Variants in CLSTN2 observed in about 807,000 individuals in gnomAD.
CLSTN2 encodes calsyntenin-2.
CLSTN2 carries 48 observed loss-of-function variants against 101.2 expected under a neutral mutation model. That is an observed-to-expected ratio of 0.47 (90% CI 0.38 to 0.60). The LOEUF (loss-of-function observed/expected upper bound fraction) is 0.60, where lower values mean the gene tolerates loss of function less well. CLSTN2 is among the 20% of genes least tolerant of loss of function. CLSTN2 has a pLI of 0.00. For synonymous variants in CLSTN2, 481 were observed against 463.6 expected, an observed-to-expected ratio of 1.04 and a Z score of -0.48; for missense variants, 1,160 against 1,238.2, an observed-to-expected ratio of 0.94 and a Z score of 0.95.
intron 4 of CLSTN2, among the ~76,000 whole-genome samples, chr3:140,407,363 G>A (rs553947804): frequency 1.3e-5 from 2 of 152,258 alleles, no homozygotes; most frequent in South Asian, 4.2e-4. Flanking sequence ...AAGAATGGCA[G>A]CAGGGAGAAT....
At chr3:140,051,334 C>G (rs116435431) in intron 1 of CLSTN2, among the ~76,000 whole-genome samples, 2,341 of 152,306 alleles carry the variant, frequency 0.015, 59 homozygotes, top group African/African-American at 0.051. Flanking sequence ...GAAACAATCA[C>G]ACTTGGGTAA....
chr3:140,402,564 T>C (rs1489593628), intron 2 of CLSTN2, among the ~76,000 whole-genome samples: 7 of 152,130 alleles, frequency 4.6e-5, no homozygotes, highest in Non-Finnish European at 1.0e-4. Flanking sequence ...CTCTTACGAA[T>C]AGTTGGGCAG....
At chr3:140,336,527 A>G (rs1458184280) in intron 2 of CLSTN2, among the ~76,000 whole-genome samples, 1 of 152,152 alleles carries the variant, frequency 6.6e-6, no homozygotes, top group Non-Finnish European at 1.5e-5. Context: ...TGCAAGCCCC[A>G]AGGCATGGCA....
chr3:140,328,843 A>T (rs895855849), intron 2 of CLSTN2, among the ~76,000 whole-genome samples: 4 of 152,218 alleles, frequency 2.6e-5, no homozygotes, highest in African/African-American at 9.6e-5. Context: ...AAGGCTTTAA[A>T]CAGTACCTGG....
chr3:139,973,124 G>C (rs150447597), intron 1 of CLSTN2, among the ~76,000 whole-genome samples: 1 of 152,360 alleles, frequency 6.6e-6, no homozygotes, highest in Admixed American at 6.5e-5. Flanking sequence ...GCAGATGTCT[G>C]AGGTGAGGCC....
chr3:140,004,208 T>C (rs72981817), intron 1 of CLSTN2, among the ~76,000 whole-genome samples: 1,798 of 152,366 alleles, frequency 0.012, 36 homozygotes, highest in African/African-American at 0.039. Context: ...TACTAATTAA[T>C]TAAATAAGTA....
At chr3:140,535,914 G>A (rs759904709) in intron 9 of CLSTN2, among the ~76,000 whole-genome samples, 8 of 152,178 alleles carry the variant, frequency 5.3e-5, no homozygotes, top group Non-Finnish European at 8.8e-5. Flanking sequence ...GAGCTAATGT[G>A]TACTGATACA....
At chr3:140,052,286 G>A (rs2008011879) in intron 1 of CLSTN2, among the ~76,000 whole-genome samples, 1 of 152,158 alleles carries the variant, frequency 6.6e-6, no homozygotes, top group Non-Finnish European at 1.5e-5. Flanking sequence ...AGCCTCCCGA[G>A]TAGCTGGGAC....
intron 1 of CLSTN2, among the ~76,000 whole-genome samples, chr3:140,145,325 A>G (rs1464902938): frequency 6.6e-6 from 1 of 152,218 alleles, no homozygotes; most frequent in Non-Finnish European, 1.5e-5. Context: ...AGCCTGGTAT[A>G]GCCTGATCTG....
chr3:140,127,257 A>G (rs147713086), intron 1 of CLSTN2, among the ~76,000 whole-genome samples: 3 of 152,248 alleles, frequency 2.0e-5, no homozygotes, highest in Non-Finnish European at 2.9e-5. Context: ...GACCCGGGGC[A>G]AATTGCTTAA....
chr3:140,163,419 TACAC>T lies in CLSTN2; in HGVS notation c.110-12504_110-12501del, dbSNP rs60464575. ...TCAATTCTTTAAAATTTTCTATCTCTACACACACACACACACACACACACACACA... is the reference window on the plus strand; with the variant it reads ...TCAATTCTTTAAAATTTTCTATCTCTACACACACACACACACACACACACA... On this transcript the variant is annotated intron_variant, in intron 1 of 16. Transcript: ENST00000458420. Among the ~76,000 whole-genome samples, 111 of 145,080 alleles carry T rather than the reference TACAC, an allele frequency of 7.7e-4. 1 individual carries two copies. The highest frequency in any genetic ancestry group is 2.0e-3 in the African/African-American group (81 of 39,696).
chr3:140,115,751 T>C (rs532100557), intron 1 of CLSTN2, among the ~76,000 whole-genome samples: 1 of 152,234 alleles, frequency 6.6e-6, no homozygotes, highest in South Asian at 2.1e-4. Flanking sequence ...TTTAAGGAAG[T>C]CTTCACTGAG....
intron 1 of CLSTN2, among the ~76,000 whole-genome samples, chr3:139,981,700 T>C (rs575044409): frequency 4.2e-4 from 64 of 152,358 alleles, no homozygotes; most frequent in African/African-American, 1.5e-3. Context: ...CCTAAAGCTA[T>C]GTAGCTGCTT....
chr3:140,307,681 C>T (rs969080409), intron 2 of CLSTN2, among the ~76,000 whole-genome samples: 23 of 152,098 alleles, frequency 1.5e-4, no homozygotes, highest in African/African-American at 5.6e-4. Flanking sequence ...TTCGTTGTTT[C>T]TTCCTCTTTA....
intron 7 of CLSTN2, among the ~76,000 whole-genome samples, chr3:140,463,840 C>T (rs1388605073): frequency 6.6e-6 from 1 of 152,086 alleles, no homozygotes; most frequent in Non-Finnish European, 1.5e-5. Flanking sequence ...GGGCTGCCTG[C>T]CAGGAAGAGG....
At chr3:140,285,471 A>G (rs1311660588) in intron 2 of CLSTN2, among the ~76,000 whole-genome samples, 1 of 152,158 alleles carries the variant, frequency 6.6e-6, no homozygotes, top group Non-Finnish European at 1.5e-5. Flanking sequence ...TCAGAGAAGC[A>G]GTTGCAAAGT....
At chr3:140,081,860 A>G (rs2008604821) in intron 1 of CLSTN2, among the ~76,000 whole-genome samples, 1 of 152,234 alleles carries the variant, frequency 6.6e-6, no homozygotes, top group Non-Finnish European at 1.5e-5. Context: ...ACCTTCAGCA[A>G]GTTGCTAAAC....
intron 1 of CLSTN2, among the ~76,000 whole-genome samples, chr3:140,022,757 G>A (rs975426792): frequency 2.0e-5 from 3 of 152,196 alleles, no homozygotes; most frequent in Non-Finnish European, 4.4e-5. Context: ...GACAGGTGCT[G>A]GTGTGACTTG....
chr3:140,290,489 G>A (rs186667380), intron 2 of CLSTN2, among the ~76,000 whole-genome samples: 210 of 152,238 alleles, frequency 1.4e-3, no homozygotes, highest in Middle Eastern at 6.8e-3. Context: ...TGGGATTGAG[G>A]GACAGGAGGA....
Sources: allele counts gnomAD v4.1 joint callset (sites outside exome capture counted in the v4.1 genomes callset), GRCh38; gene constraint gnomAD v4.1.1; transcripts MANE v1.5; gene names NCBI Gene and HGNC (gene_info 2026-07-23, HGNC 2026-07-21).